BARD1: variants seen among roughly 807,000 people sequenced by gnomAD.
BARD1 encodes BRCA1-associated RING domain protein 1.
A neutral mutation model predicts 77.0 loss-of-function variants in BARD1; 73 were observed. The observed-to-expected ratio is 0.95, with a 90% confidence interval of 0.79 to 1.15. The LOEUF (loss-of-function observed/expected upper bound fraction) is 1.15, where lower values mean the gene tolerates loss of function less well. Ranked by LOEUF, BARD1 falls within the 50% of genes most tolerant of loss-of-function variation. BARD1 has a pLI of 0.00. For synonymous variants in BARD1, 384 were observed against 338.0 expected (o/e 1.14, Z -1.49); for missense variants, 993 against 938.8 (o/e 1.06, Z -0.75).
At chr2:214,744,194 G>A (rs1455240905) in intron 9 of BARD1, among the ~76,000 whole-genome samples, 1 of 152,148 alleles carries the variant, frequency 6.6e-6, no homozygotes, top group Non-Finnish European at 1.5e-5. Context: ...GTGACAGGCA[G>A]CTCTGAAGGT....
intron 1 of BARD1, among the ~76,000 whole-genome samples, chr2:214,799,644 CATA>C (rs1195040417): frequency 6.6e-6 from 1 of 152,144 alleles, no homozygotes; most frequent in Admixed American, 6.6e-5. Flanking sequence ...ACTAGATATT[CATA>C]ATACTTGCCT....
chr2:214,803,922 C>A (rs770107538), intron 1 of BARD1, among the ~76,000 whole-genome samples: 14 of 152,068 alleles, frequency 9.2e-5, no homozygotes, highest in Non-Finnish European at 1.8e-4. Flanking sequence ...AAAGTTCTTA[C>A]TGATACAAAA....
intron 9 of BARD1, among the ~76,000 whole-genome samples, chr2:214,744,426 G>A (rs1037551625): frequency 1.3e-5 from 2 of 152,162 alleles, no homozygotes; most frequent in Non-Finnish European, 2.9e-5. Context: ...GACATGTCAT[G>A]CAGTATATTT....
intron 9 of BARD1, among the ~76,000 whole-genome samples, chr2:214,743,147 G>C (rs975036883): frequency 2.0e-5 from 3 of 152,194 alleles, no homozygotes; most frequent in African/African-American, 7.2e-5. Context: ...GGATCAGACT[G>C]CATTGGTTGA....
chr2:214,736,477 C>G (rs997942911), intron 9 of BARD1, among the ~76,000 whole-genome samples: 2 of 152,142 alleles, frequency 1.3e-5, no homozygotes, highest in East Asian at 3.9e-4. Flanking sequence ...GCACAGAAAG[C>G]CAAGGACTGA....
intron 3 of BARD1, among the ~76,000 whole-genome samples, chr2:214,783,135 A>G (rs1302418757): frequency 1.3e-5 from 2 of 152,174 alleles, no homozygotes; most frequent in African/African-American, 4.8e-5. Flanking sequence ...CAGAGTGTAG[A>G]AAAAGTCAGC....
At position 214,725,991 on chromosome 2, in the gene BARD1, T is replaced by G. The variant is rs566275795; in HGVS notation, c.*2685A>C. On this transcript the variant is annotated 3_prime_UTR_variant, in exon 11 of 11. Coordinates refer to ENST00000260947, the MANE Select transcript of BARD1 (RefSeq NM_000465.4). ...AAACATCAAACCTCCCCAAATATCATCCTCTAGGCAGAGGTCACTTAACTA... is the reference window on the plus strand; with the variant it reads ...AAACATCAAACCTCCCCAAATATCAGCCTCTAGGCAGAGGTCACTTAACTA... 1 of 216,790 alleles carries G rather than the reference T, an allele frequency of 4.6e-6. No homozygotes were observed. Among genetic ancestry groups the G allele is most frequent in the South Asian group, 1.9e-4 (1 of 5,246 alleles). The allele number at this position is 216,790 out of a possible 1,614,324, so 13.4% of individuals were successfully genotyped here. A position where few individuals can be genotyped will look rare whatever the true frequency, so the allele number is the denominator to read the frequency against.
At chr2:214,737,706 G>C (rs1692628767) in intron 9 of BARD1, among the ~76,000 whole-genome samples, 1 of 152,104 alleles carries the variant, frequency 6.6e-6, no homozygotes, top group East Asian at 1.9e-4. Flanking sequence ...TGCACTGGAA[G>C]AATCTACCAG....
intron 6 of BARD1, among the ~76,000 whole-genome samples, chr2:214,758,830 A>G (rs1414985728): frequency 6.6e-6 from 1 of 152,218 alleles, no homozygotes; most frequent in East Asian, 1.9e-4. Flanking sequence ...TACAATGGTG[A>G]TCTGAATTCA....
At chr2:214,773,878 T>C (rs1442440899) in intron 4 of BARD1, among the ~76,000 whole-genome samples, 1 of 152,214 alleles carries the variant, frequency 6.6e-6, no homozygotes, top group East Asian at 1.9e-4. Context: ...GCATTTTATC[T>C]GCGTAGAACT....
chr2:214,743,361 T>A (rs1047097634), intron 9 of BARD1, among the ~76,000 whole-genome samples: 14 of 152,242 alleles, frequency 9.2e-5, no homozygotes, highest in African/African-American at 3.4e-4. Flanking sequence ...AAACTAATTT[T>A]AATCCATCAG....
chr2:214,757,607 G>A (rs1202515855), intron 6 of BARD1, among the ~76,000 whole-genome samples: 7 of 151,928 alleles, frequency 4.6e-5, no homozygotes, highest in African/African-American at 1.5e-4. Context: ...TAACACACAT[G>A]GAATGAATAT....
intron 6 of BARD1, among the ~76,000 whole-genome samples, chr2:214,759,475 T>C (rs1473806194): frequency 1.3e-5 from 2 of 152,246 alleles, no homozygotes; most frequent in East Asian, 1.9e-4. Context: ...ATAAATCTTT[T>C]TTTCATGATC....
chr2:214,747,648 T>C (rs1216131052), intron 7 of BARD1, among the ~76,000 whole-genome samples: 4 of 138,874 alleles, frequency 2.9e-5, no homozygotes, highest in South Asian at 2.3e-4. Flanking sequence ...TAGGTGGGAA[T>C]TGAACAATGA....
At chr2:214,799,146 T>C (rs1346936933) in intron 1 of BARD1, among the ~76,000 whole-genome samples, 1 of 150,702 alleles carries the variant, frequency 6.6e-6, no homozygotes, top group Non-Finnish European at 1.5e-5. Context: ...TTTAAAAATA[T>C]AAAAATTAGC....
At chr2:214,752,577 T>A in intron 6 of BARD1, 22 bp from the exon 7 acceptor site, 1 of 1,573,536 alleles carries the variant, frequency 6.4e-7, no homozygotes, top group Non-Finnish European at 8.7e-7. Flanking sequence ...AGTGCAGATG[T>A]GTTTAAGTAA....
chr2:214,773,053 A>G (rs1694581030), intron 4 of BARD1, among the ~76,000 whole-genome samples: 1 of 152,220 alleles, frequency 6.6e-6, no homozygotes, highest in Non-Finnish European at 1.5e-5. Context: ...AAGGCTGAAA[A>G]TAAGAGTGTG....
intron 1 of BARD1, among the ~76,000 whole-genome samples, chr2:214,808,891 C>G (rs1696412589): frequency 6.6e-6 from 1 of 152,224 alleles, no homozygotes; most frequent in Non-Finnish European, 1.5e-5. Context: ...TGGTAGATAT[C>G]CGATGCTCCA....
chr2:214,766,237 G>A (rs959963256), intron 6 of BARD1, among the ~76,000 whole-genome samples: 1 of 152,050 alleles, frequency 6.6e-6, no homozygotes, highest in African/African-American at 2.4e-5. Flanking sequence ...GCATCTCTGT[G>A]TCCTGACACT....
Sources: allele counts gnomAD v4.1 joint callset (sites outside exome capture counted in the v4.1 genomes callset), GRCh38; gene constraint gnomAD v4.1.1; transcripts MANE v1.5; gene names NCBI Gene and HGNC (gene_info 2026-07-23, HGNC 2026-07-21).